ZNRF3: variants seen among roughly 807,000 people sequenced by gnomAD.
The protein encoded by ZNRF3 is zinc and ring finger 3.
A neutral mutation model predicts 72.5 loss-of-function variants in ZNRF3; 23 were observed. That is an observed-to-expected ratio of 0.32 (90% CI 0.23 to 0.45). ZNRF3 has a LOEUF of 0.45. Ranked by LOEUF, ZNRF3 falls within the 20% of genes least tolerant of loss-of-function variation. The pLI is 1.00. For synonymous variants in ZNRF3, 610 were observed against 545.3 expected (o/e 1.12, Z -1.65); for missense variants, 1,169 against 1,272.1 (o/e 0.92, Z 1.23).
chr22:29,038,158 C>T (rs1157113966), intron 2 of ZNRF3, among the ~76,000 whole-genome samples: 4 of 152,104 alleles, frequency 2.6e-5, no homozygotes, highest in Admixed American at 2.6e-4. Flanking sequence ...CTGGTGGCCA[C>T]AAGACTGTGA....
intron 1 of ZNRF3, among the ~76,000 whole-genome samples, chr22:28,915,911 A>G (rs572406676): frequency 4.5e-4 from 69 of 152,268 alleles, no homozygotes; most frequent in African/African-American, 1.5e-3. Context: ...TGACTTAAGC[A>G]TTTACGTTAG....
intron 1 of ZNRF3, among the ~76,000 whole-genome samples, chr22:28,939,831 A>G (rs1192054898): frequency 2.0e-5 from 3 of 151,520 alleles, no homozygotes; most frequent in Non-Finnish European, 4.4e-5. Flanking sequence ...AGTTTTTTTC[A>G]CCTCTTCCAA....
intron 1 of ZNRF3, among the ~76,000 whole-genome samples, chr22:28,983,824 A>G (rs1421099444): frequency 6.6e-6 from 1 of 152,216 alleles, no homozygotes; most frequent in African/African-American, 2.4e-5. Context: ...GGTTTTAGCA[A>G]AGGTTAAAAG....
intron 1 of ZNRF3, among the ~76,000 whole-genome samples, chr22:28,896,527 G>A (rs1298790414): frequency 6.6e-6 from 1 of 152,186 alleles, no homozygotes; most frequent in African/African-American, 2.4e-5. Context: ...GCCTCCCAAA[G>A]TGTTGGGATT....
intron 1 of ZNRF3, among the ~76,000 whole-genome samples, chr22:28,950,637 C>T (rs1053301544): frequency 2.6e-5 from 4 of 152,202 alleles, no homozygotes; most frequent in African/African-American, 4.8e-5. Context: ...AAGACAGTGG[C>T]TCTTTAGGGC....
At chr22:28,949,951 G>A (rs565541835) in intron 1 of ZNRF3, among the ~76,000 whole-genome samples, 159 of 80,724 alleles carry the variant, frequency 2.0e-3, no homozygotes, top group African/African-American at 4.9e-3. Context: ...TAACCATTTC[G>A]CCACGCAGAA....
rs2033833766 is a variant in ZNRF3, at chr22:28,888,755, A to C, written c.300+4689A>C. Among the ~76,000 whole-genome samples, 12 of 152,288 alleles carry C rather than the reference A, an allele frequency of 7.9e-5. No homozygotes were observed. The South Asian group carries it at 2.5e-3, about 32-fold the overall frequency. ...GTTAATCCATTTTACAGAGGAGAAA[A>C]ACTGAGGCTGAGAGAAGCAAGTTGA... On this transcript the variant is annotated intron_variant, in intron 1 of 8. Transcript: ENST00000544604.
chr22:28,983,319 C>T (rs2035799194), intron 1 of ZNRF3, among the ~76,000 whole-genome samples: 1 of 152,152 alleles, frequency 6.6e-6, no homozygotes, highest in Non-Finnish European at 1.5e-5. Context: ...AGCCTGACAG[C>T]CCCGAGGGAC....
At position 29,050,029 on chromosome 22, in the gene ZNRF3, G is replaced by A. The variant is rs767887494; in HGVS notation, c.1848G>A (p.Ser616=). ...RASEAGGSGS[S]GRGPALCFEG... ...GTGAGGCGGGGGGCTCGGGCAGCTC[G>A]GGCCGGGGACCTGCCCTGTGCTTCG... Residue 616 remains serine, a synonymous_variant, in exon 8 of 9, where the codon TCG becomes TCA. Transcript: ENST00000544604. 3 of 1,609,846 alleles carry A rather than the reference G, an allele frequency of 1.9e-6. No homozygotes were observed. Among genetic ancestry groups the A allele is most frequent in the East Asian group, 4.5e-5 (2 of 44,856 alleles).
Position 29,050,996 on chromosome 22 carries a change from G to C in ZNRF3, c.2767+48G>C, listed in dbSNP as rs370796682. On this transcript the variant is annotated intron_variant, in intron 8 of 8. Coordinates refer to ENST00000544604, the MANE Select transcript of ZNRF3 (RefSeq NM_001206998.2). ...GGTCAGAGCAGGAGTTTCCATCAGG[G>C]TCGTCTTGTCTTCTGTCTTAGGCAT... 2.1e-5 allele frequency: 31 copies of C among 1,489,900 alleles called. 1 individual carries two copies. The highest frequency in any genetic ancestry group is 2.1e-4 in the East Asian group (9 of 43,680). The allele number at this position is 1,489,900 out of a possible 1,614,324, so 92.3% of individuals were successfully genotyped here.
intron 1 of ZNRF3, among the ~76,000 whole-genome samples, chr22:28,963,192 C>T (rs543056387): frequency 5.3e-5 from 8 of 152,294 alleles, no homozygotes. Context: ...TGTAATGAAG[C>T]AGGAAACCCA....
At chr22:29,013,269 G>A (rs778121091) in intron 2 of ZNRF3, among the ~76,000 whole-genome samples, 11 of 152,096 alleles carry the variant, frequency 7.2e-5, no homozygotes, top group Middle Eastern at 3.2e-3. Flanking sequence ...GGAGAAAAAC[G>A]GCCCATTCTG....
chr22:28,923,806 A>T (rs1278811960), intron 1 of ZNRF3, among the ~76,000 whole-genome samples: 3 of 152,216 alleles, frequency 2.0e-5, no homozygotes, highest in African/African-American at 7.2e-5. Flanking sequence ...CCAAGGGGCA[A>T]CCCCACACTC....
chr22:28,991,279 CAAAAAAAAAAAAA>C (rs59317059), intron 2 of ZNRF3, among the ~76,000 whole-genome samples: 9 of 51,674 alleles, frequency 1.7e-4, no homozygotes, highest in East Asian at 1.4e-3. Context: ...GACCCTCTCT[CAAAAAAAAAAAAA>C]AAAAAAAAAA....
chr22:28,989,696 CTG>C (rs1469103166), intron 2 of ZNRF3, among the ~76,000 whole-genome samples: 9 of 152,284 alleles, frequency 5.9e-5, no homozygotes, highest in African/African-American at 2.2e-4. Context: ...AGGGAGGACT[CTG>C]TCCGCTGCAG....
intron 2 of ZNRF3, among the ~76,000 whole-genome samples, chr22:29,017,151 T>C (rs1445074842): frequency 6.6e-6 from 1 of 152,242 alleles, no homozygotes; most frequent in African/African-American, 2.4e-5. Context: ...ACTTGTGCAG[T>C]ATTTTAAGTG....
intron 1 of ZNRF3, among the ~76,000 whole-genome samples, chr22:28,909,702 T>A (rs1283156178): frequency 1.3e-5 from 2 of 150,278 alleles, no homozygotes; most frequent in Non-Finnish European, 3.0e-5. Flanking sequence ...TGCCTCAGCC[T>A]CCTGAGTAGC....
Position 29,050,594 on chromosome 22 carries a change from A to T in ZNRF3, c.2413A>T (p.Ser805Cys), listed in dbSNP as rs2037184005. The T allele has an allele frequency of 2.5e-6, 4 of 1,608,658 alleles. No homozygotes were observed. Among genetic ancestry groups the T allele is most frequent in the Non-Finnish European group, 3.4e-6 (4 of 1,177,904 alleles). ...SGCYTEDYSV[S>C]VQYTLTEEPP... The stretch of plus-strand genomic sequence containing the variant: ...CTGCTACACTGAGGACTACTCGGTG[A>T]GTGTGCAGTACACGCTCACCGAGGA... The change falls in exon 8 of 9, where the codon AGT becomes TGT. Residue 805 changes from serine (S) to cysteine (C), a missense_variant. Around this residue, in one of 2 missense-constraint regions of ZNRF3, gnomAD observed 783 missense variants for 731.4 expected, o/e 1.07. Coordinates refer to ENST00000544604, the MANE Select transcript of ZNRF3 (RefSeq NM_001206998.2).
chr22:29,046,020 G>A (rs185739441), intron 5 of ZNRF3, among the ~76,000 whole-genome samples: 72 of 152,310 alleles, frequency 4.7e-4, no homozygotes, highest in South Asian at 4.3e-3. Context: ...CTCAGGCTCC[G>A]CTCCAGGCCA....
Sources: gnomAD v4.1 joint callset for allele counts (sites outside exome capture counted in the v4.1 genomes callset) on GRCh38, gnomAD v4.1.1 for gene constraint, gnomAD v4.1.1 regional missense constraint, MANE v1.5 for transcripts, NCBI Gene and HGNC (gene_info 2026-07-23, HGNC 2026-07-21) for gene names.